Variants in BICDL1 observed in about 807,000 individuals in gnomAD.
BICDL1 encodes BICD family like cargo adaptor 1.
A neutral mutation model predicts 76.8 loss-of-function variants in BICDL1; 20 were observed. The observed-to-expected ratio is 0.26, with a 90% CI of 0.18 to 0.38. The LOEUF is 0.38. Ranked by LOEUF, BICDL1 falls within the 10% of genes least tolerant of loss-of-function variation. The pLI, the probability that BICDL1 is intolerant of heterozygous loss-of-function variation, is 1.00. For synonymous variants in BICDL1, 383 were observed against 337.1 expected (o/e 1.14, Z -1.49); for missense variants, 700 against 798.6 (o/e 0.88, Z 1.49).
chr12:119,997,167 C>G (rs1033919387), intron 1 of BICDL1, among the ~76,000 whole-genome samples: 2 of 152,132 alleles, frequency 1.3e-5, no homozygotes, highest in Non-Finnish European at 2.9e-5. Context: ...AGGATGGTCT[C>G]GATCTCCTGA....
chr12:120,053,682 GA>G (rs1274128278), intron 2 of BICDL1, among the ~76,000 whole-genome samples: 5 of 152,246 alleles, frequency 3.3e-5, no homozygotes, highest in Admixed American at 6.5e-5. Flanking sequence ...CCCCAACCCT[GA>G]AACTAGCCTT....
At chr12:120,057,290 C>G (rs1204435940) in intron 2 of BICDL1, 2 of 346,766 alleles carry the variant, frequency 5.8e-6, no homozygotes, top group Admixed American at 3.9e-5. Flanking sequence ...GCTGGGATTA[C>G]ACCGCGCCTG....
At chr12:120,059,252 G>A (rs1488394465) in intron 2 of BICDL1, among the ~76,000 whole-genome samples, 1 of 151,812 alleles carries the variant, frequency 6.6e-6, no homozygotes, top group Non-Finnish European at 1.5e-5. Flanking sequence ...GCACCACCAT[G>A]CCCGGTTAAT....
At chr12:120,027,381 C>T (rs957647002) in intron 2 of BICDL1, among the ~76,000 whole-genome samples, 2 of 152,122 alleles carry the variant, frequency 1.3e-5, no homozygotes, top group Admixed American at 6.5e-5. Flanking sequence ...TGCCCTATTC[C>T]TCTTGAGGTA....
chr12:120,011,160 T>C, intron 2 of BICDL1, among the ~76,000 whole-genome samples: 1 of 152,154 alleles, frequency 6.6e-6, no homozygotes, highest in East Asian at 1.9e-4. Context: ...AACAGGTGAC[T>C]TCTAAGGTCG....
At chr12:120,088,762 G>T (rs1432187300) in intron 8 of BICDL1, among the ~76,000 whole-genome samples, 2 of 151,942 alleles carry the variant, frequency 1.3e-5, no homozygotes, top group Non-Finnish European at 2.9e-5. Context: ...CGCCTCCCGG[G>T]TTCACGCCAT....
chr12:120,012,763 C>A (rs1467455594), intron 2 of BICDL1, among the ~76,000 whole-genome samples: 1 of 151,326 alleles, frequency 6.6e-6, no homozygotes, highest in Non-Finnish European at 1.5e-5. Context: ...TATTTTTTTT[C>A]TTTTTTAAAG....
Position 120,079,692 on chromosome 12 carries a change from T to C in BICDL1, c.1453-1195T>C, listed in dbSNP as rs1873821798. Among the ~76,000 whole-genome samples the C allele has an allele frequency of 6.6e-6, 1 of 152,180 alleles. No individual in the cohort carries two copies. The highest frequency in any genetic ancestry group is 2.1e-4 in the South Asian group (1 of 4,832). ...ACAGCAAAACATGTACTCTGCTTAA[T>C]GTAAGCAGAAAGAGAATGTATGAGA... On this transcript the variant is annotated intron_variant, in intron 7 of 9. Transcript: ENST00000548673. The surrounding 1 kb of genome is among the most constrained non-coding windows in gnomAD (Gnocchi z 4.3).
rs1174703425 is a variant in BICDL1, at chr12:120,081,030, G to GGCTT, written c.1583+14_1583+17dup. 6.2e-7 allele frequency: 1 copy of GGCTT among 1,611,408 alleles called. No homozygotes were observed. Among genetic ancestry groups the GGCTT allele is most frequent in the Non-Finnish European group, 8.5e-7 (1 of 1,178,848 alleles). On this transcript the variant is annotated intron_variant, in intron 8 of 9. Transcript: ENST00000548673. ...AGGCCATTGCAAAGTGAGTAGGGATGGCTTCACTTTATTCTTAAGATAAAG... is the reference window on the plus strand; with the variant it reads ...AGGCCATTGCAAAGTGAGTAGGGATGGCTTGCTTCACTTTATTCTTAAGATAAAG...
At chr12:120,057,294 G>T in intron 2 of BICDL1, 1 of 323,868 alleles carries the variant, frequency 3.1e-6, no homozygotes, top group Admixed American at 4.3e-5. Flanking sequence ...GGATTACACC[G>T]CGCCTGGCCC....
chr12:119,992,618 C>G (rs1415100189), intron 1 of BICDL1: 1 of 152,304 alleles, frequency 6.6e-6, no homozygotes, highest in East Asian at 1.9e-4. Context: ...CTACGGGGCT[C>G]AAGCAGTCCT....
intron 2 of BICDL1, among the ~76,000 whole-genome samples, chr12:120,044,725 G>A (rs992830514): frequency 3.3e-5 from 5 of 151,902 alleles, no homozygotes; most frequent in Admixed American, 6.6e-5. Flanking sequence ...GTAGATATGC[G>A]GCGTTATTTC....
chr12:120,005,919 G>A (rs1290294479), intron 2 of BICDL1, among the ~76,000 whole-genome samples: 1 of 152,044 alleles, frequency 6.6e-6, no homozygotes, highest in African/African-American at 2.4e-5. Flanking sequence ...ATTTTTCTAG[G>A]TTAGATGCCT....
At position 120,061,746 on chromosome 12, in the gene BICDL1, C is replaced by G. The variant is rs1463393069; in HGVS notation, c.682C>G (p.His228Asp). 5 of 1,614,168 alleles carry G rather than the reference C, an allele frequency of 3.1e-6. No homozygotes were observed. The highest frequency in any genetic ancestry group is 3.4e-6 in the Non-Finnish European group (4 of 1,179,998). ...TGAGAGACAACTCTCCATGCAGGTC[C>G]ACGCCCTCAGAGAAGACTTTCGGGA... ...EVERQLSMQV[H>D]ALREDFREKN... The change falls in exon 3 of 10, where the codon CAC (histidine) becomes GAC (aspartate). Residue 228 changes from histidine (H) to aspartate (D), a missense_variant. This residue lies in a region of BICDL1 where 455 missense variants were observed against 548.7 expected (regional missense o/e 0.83). Transcript: ENST00000548673.
chr12:120,087,439 C>A (rs535427141), intron 8 of BICDL1, among the ~76,000 whole-genome samples: 1 of 152,338 alleles, frequency 6.6e-6, no homozygotes, highest in Admixed American at 6.5e-5. Flanking sequence ...GTGGCCTGAG[C>A]ACTTTGCAAG....
chr12:120,047,838 A>G (rs1232992130), intron 2 of BICDL1, among the ~76,000 whole-genome samples: 4 of 152,162 alleles, frequency 2.6e-5, no homozygotes, highest in Non-Finnish European at 5.9e-5. Flanking sequence ...AGTTTATACA[A>G]ATATTTATTC....
rs201956255 is a variant in BICDL1, at chr12:119,998,567, G to A, written c.476G>A (p.Arg159Gln). 4.8e-5 allele frequency: 77 copies of A among 1,613,674 alleles called. No individual in the cohort carries two copies. Among genetic ancestry groups the A allele is most frequent in the Non-Finnish European group, 6.2e-5 (73 of 1,179,890 alleles). ...KHELRRRFEN[R>Q]EGEWEGRVSE... The stretch of plus-strand genomic sequence containing the variant: ...GAATTGAGAAGACGATTTGAGAACC[G>A]AGAAGGGGAGTGGGAAGGCCGAGTG... Residue 159 changes from arginine to glutamine, a missense_variant, in exon 2 of 10, where the codon CGA (arginine) becomes CAA (glutamine). By Grantham distance (43) the Arg-to-Gln change is conservative. Around this residue, in one of 3 missense-constraint regions of BICDL1, gnomAD observed 20 missense variants for 50.3 expected, o/e 0.40. Coordinates refer to ENST00000548673, the MANE Select transcript of BICDL1 (RefSeq NM_001367886.1).
intron 8 of BICDL1, among the ~76,000 whole-genome samples, chr12:120,088,953 C>T (rs988646517): frequency 1.1e-4 from 17 of 152,216 alleles, no homozygotes; most frequent in Non-Finnish European, 2.2e-4. Flanking sequence ...GGTGAGCCAC[C>T]GCACCCGGCC....
intron 4 of BICDL1, among the ~76,000 whole-genome samples, chr12:120,065,579 A>C (rs1953203200): frequency 6.6e-6 from 1 of 152,258 alleles, no homozygotes; most frequent in African/African-American, 2.4e-5. Flanking sequence ...ATCTGCTACC[A>C]AGATGCTTTG....
Sources: gnomAD v4.1 joint callset for allele counts (sites outside exome capture counted in the v4.1 genomes callset) on GRCh38, gnomAD v4.1.1 for gene constraint, gnomAD v4.1.1 regional missense constraint, Gnocchi (gnomAD v3.1) non-coding constraint, MANE v1.5 for transcripts, NCBI Gene and HGNC (gene_info 2026-07-23, HGNC 2026-07-21) for gene names.